The following PGM5 variants were observed in gnomAD, a reference collection of about 807,000 sequenced individuals.
PGM5 encodes phosphoglucomutase 5, also known as phosphoglucomutase-like protein 5.
A neutral mutation model predicts 59.2 loss-of-function variants in PGM5; 23 were observed. The observed-to-expected ratio is 0.39, with a 90% CI of 0.28 to 0.55. The LOEUF (loss-of-function observed/expected upper bound fraction) is 0.55. PGM5 is among the 20% of genes least tolerant of loss of function. The probability of loss-of-function intolerance (pLI) is 0.66; values close to 1 mark genes in which losing one functional copy is unlikely to be tolerated. For synonymous variants in PGM5, 214 were observed against 286.0 expected (o/e 0.75, Z 2.54); for missense variants, 574 against 748.3 (o/e 0.77, Z 2.72).
intron 6 of PGM5, among the ~76,000 whole-genome samples, chr9:68,443,646 A>T (rs1823565187): frequency 1.3e-5 from 2 of 152,242 alleles, no homozygotes; most frequent in South Asian, 4.1e-4. Flanking sequence ...CTTATTTTGG[A>T]GAATCACAGT....
chr9:68,466,132 T>C (rs1156318547), intron 7 of PGM5: 5 of 1,297,050 alleles, frequency 3.9e-6, no homozygotes, highest in Non-Finnish European at 5.1e-6. Flanking sequence ...TTCTGATTTA[T>C]TTCTCCCCTT....
intron 6 of PGM5, among the ~76,000 whole-genome samples, chr9:68,426,309 A>G (rs1243998229): frequency 6.6e-6 from 1 of 151,544 alleles, no homozygotes; most frequent in East Asian, 1.9e-4. Context: ...ATTTTCCAGG[A>G]TTATTGTGAG....
At chr9:68,405,424 TG>T (rs1237192557) in intron 6 of PGM5, 3 of 152,434 alleles carry the variant, frequency 2.0e-5, no homozygotes, top group Non-Finnish European at 4.4e-5. Flanking sequence ...GGTGCAGTTC[TG>T]GAGGGGGAAT....
At chr9:68,478,960 C>T (rs1394893303) in intron 7 of PGM5, among the ~76,000 whole-genome samples, 16 of 152,158 alleles carry the variant, frequency 1.1e-4, no homozygotes, top group African/African-American at 3.9e-4. Flanking sequence ...TTATTTTCTT[C>T]AAAGCACTTG....
chr9:68,463,185 T>G (rs1823883039), intron 6 of PGM5, among the ~76,000 whole-genome samples: 2 of 151,762 alleles, frequency 1.3e-5, no homozygotes, highest in Admixed American at 6.6e-5. Context: ...TCTAGATGTT[T>G]TTTTTTTTTT....
chr9:68,378,607 T>C (rs533655647), intron 2 of PGM5, among the ~76,000 whole-genome samples: 5 of 152,204 alleles, frequency 3.3e-5, no homozygotes, highest in African/African-American at 1.2e-4. Context: ...TTATCTGATA[T>C]GGAAGGACTC....
intron 10 of PGM5, among the ~76,000 whole-genome samples, chr9:68,527,339 T>A (rs1824999077): frequency 6.6e-6 from 1 of 152,252 alleles, no homozygotes; most frequent in Admixed American, 6.5e-5. Context: ...TTATTCACCC[T>A]CTAAAACCTC....
intron 10 of PGM5, among the ~76,000 whole-genome samples, chr9:68,518,818 A>G (rs917523626): frequency 2.0e-5 from 3 of 152,232 alleles, no homozygotes; most frequent in African/African-American, 7.2e-5. Context: ...GAGAAGTGCT[A>G]ACATAATTTA....
At chr9:68,371,075 A>G (rs1470702707) in intron 1 of PGM5, among the ~76,000 whole-genome samples, 10 of 152,146 alleles carry the variant, frequency 6.6e-5, no homozygotes, top group Non-Finnish European at 8.8e-5. Flanking sequence ...GTGACAGTGG[A>G]CTAGGGTCCA....
At chr9:68,368,279 A>G (rs1284952146) in intron 1 of PGM5, among the ~76,000 whole-genome samples, 1 of 151,298 alleles carries the variant, frequency 6.6e-6, no homozygotes, top group Admixed American at 6.6e-5. Context: ...TGGATGGGTC[A>G]GGAGTAAGGA....
intron 6 of PGM5, among the ~76,000 whole-genome samples, chr9:68,427,247 A>G (rs1372540886): frequency 3.3e-5 from 5 of 152,186 alleles, no homozygotes; most frequent in Non-Finnish European, 5.9e-5. Context: ...GATTGCAGGG[A>G]AGGCCCTTGC....
chr9:68,520,621 C>T (rs1824887954), intron 10 of PGM5, among the ~76,000 whole-genome samples: 1 of 152,132 alleles, frequency 6.6e-6, no homozygotes, highest in African/African-American at 2.4e-5. Flanking sequence ...ATTATAAGGG[C>T]AACTGAATTC....
intron 10 of PGM5, among the ~76,000 whole-genome samples, chr9:68,518,681 C>A (rs1239183373): frequency 6.6e-6 from 1 of 152,210 alleles, no homozygotes; most frequent in Admixed American, 6.5e-5. Context: ...AGAAACTATG[C>A]ATCTGATTTT....
Position 68,372,297 on chromosome 9 carries a change from G to A in PGM5, c.262-5902G>A, listed in dbSNP as rs1821756952. Among the ~76,000 whole-genome samples, 3 of 150,302 alleles carry A rather than the reference G, an allele frequency of 2.0e-5. No individual in the cohort carries two copies. The South Asian group carries it at 6.4e-4, about 32-fold the overall frequency. The stretch of plus-strand genomic sequence containing the variant: ...TCTGCTCCCGCCTCTTCCAGCTTCT[G>A]GCAGCAGAATACATTCCTTGGCTTC... On this transcript the variant is annotated intron_variant, in intron 1 of 10. Coordinates refer to ENST00000396396, the MANE Select transcript of PGM5 (RefSeq NM_021965.4).
intron 2 of PGM5, among the ~76,000 whole-genome samples, chr9:68,381,948 T>G (rs1822087562): frequency 6.6e-6 from 1 of 151,958 alleles, no homozygotes; most frequent in South Asian, 2.1e-4. Flanking sequence ...TATTAAAACA[T>G]TCATACTACC....
At chr9:68,396,883 T>A (rs1158122538) in intron 6 of PGM5, 1 of 152,226 alleles carries the variant, frequency 6.6e-6, no homozygotes, top group Non-Finnish European at 1.5e-5. Context: ...AGGACACAGT[T>A]GAGATCCATT....
chr9:68,377,429 CGTAA>C (rs1424418515), intron 1 of PGM5, among the ~76,000 whole-genome samples: 1 of 152,162 alleles, frequency 6.6e-6, no homozygotes, highest in Non-Finnish European at 1.5e-5. Context: ...TAAAAAGCTT[CGTAA>C]GTGATTCTAT....
intron 4 of PGM5, among the ~76,000 whole-genome samples, chr9:68,390,981 T>A (rs1402897447): frequency 9.2e-5 from 14 of 151,798 alleles, no homozygotes; most frequent in African/African-American, 3.1e-4. Context: ...TTCAATATGA[T>A]CCCTTCATTT....
At chr9:68,357,494 C>G in intron 1 of PGM5, 106 bp downstream of exon 1, 1 of 1,504,196 alleles carries the variant, frequency 6.6e-7, no homozygotes, top group South Asian at 1.3e-5. Context: ...CCCTGCCCGG[C>G]CCCGGCTTTG....
Sources: gnomAD v4.1 joint callset for allele counts (sites outside exome capture counted in the v4.1 genomes callset) on GRCh38, gnomAD v4.1.1 for gene constraint, MANE v1.5 for transcripts, NCBI Gene and HGNC (gene_info 2026-07-23, HGNC 2026-07-21) for gene names.